ABCC6: variants seen among roughly 807,000 people sequenced by gnomAD.
ABCC6 encodes the protein ATP binding cassette subfamily C member 6, also known as ATP-binding cassette sub-family C member 6.
A neutral mutation model predicts 169.5 loss-of-function variants in ABCC6; 126 were observed. That is an observed-to-expected ratio of 0.74 (90% CI 0.64 to 0.86). The LOEUF is 0.86. ABCC6 is among the 40% of genes least tolerant of loss of function. ABCC6 has a pLI of 0.00. For synonymous variants in ABCC6, 752 were observed against 814.7 expected, an observed-to-expected ratio of 0.92 and a Z score of 1.31; for missense variants, 1,733 against 1,927.2, an observed-to-expected ratio of 0.90 and a Z score of 1.89.
Position 16,214,442 on chromosome 16 carries a change from T to G in ABCC6, c.482A>C (p.Gln161Pro), listed in dbSNP as rs1300981077. Reference protein sequence around the residue: ...AAQQASGAGFQSDPVRHLSTY... With the variant: ...AAQQASGAGFPSDPVRHLSTY... Reference sequence around the variant, plus strand: ...GGACAGGTGGCGGACAGGGTCGCTCTGGAAGCCCTGTGGGAGGGAAAGCAG... The same window carrying G: ...GGACAGGTGGCGGACAGGGTCGCTCGGGAAGCCCTGTGGGAGGGAAAGCAG... The change falls in exon 5 of 31, where the codon CAG becomes CCG. Residue 161 changes from glutamine to proline, a missense_variant. This residue lies in a region of ABCC6 where 49 missense variants were observed against 85.8 expected (regional missense o/e 0.57). Coordinates refer to ENST00000205557, the MANE Select transcript of ABCC6 (RefSeq NM_001171.6). The G allele has an allele frequency of 1.9e-6, 3 of 1,551,478 alleles. No homozygotes were observed. The highest frequency in any genetic ancestry group is 4.9e-5 in the East Asian group (2 of 40,970).
At chr16:16,177,701 G>A (rs2047328114) in intron 18 of ABCC6, 75 bp from the exon 19 acceptor site, 3 of 1,574,168 alleles carry the variant, frequency 1.9e-6, no homozygotes, top group African/African-American at 2.7e-5. Context: ...CCAACACTTT[G>A]GGAAGCCAAA....
At chr16:16,208,626 C>A (rs1230565948) in intron 7 of ABCC6, 102 bp downstream of exon 7, 78 of 1,590,930 alleles carry the variant, frequency 4.9e-5, no homozygotes, top group Non-Finnish European at 6.3e-5. Flanking sequence ...CCTGCCTCGG[C>A]CTCCCAAAAT....
chr16:16,187,284 A>C, intron 13 of ABCC6, 73 bp from the exon 14 acceptor site: 1 of 1,265,930 alleles, frequency 7.9e-7, no homozygotes, highest in Non-Finnish European at 1.1e-6. Context: ...CGGTGTCTCA[A>C]GATGTGTGGC....
chr16:16,171,419 A>G (rs2047061764), intron 21 of ABCC6, among the ~76,000 whole-genome samples: 1 of 152,138 alleles, frequency 6.6e-6, no homozygotes, highest in Admixed American at 6.5e-5. Context: ...TTGTTATTGG[A>G]CATAGCTTAC....
chr16:16,207,406 G>T lies in ABCC6; in HGVS notation c.794+1322C>A, dbSNP rs2048427310. Among the ~76,000 whole-genome samples the T allele has an allele frequency of 3.3e-5, 5 of 152,332 alleles. No individual in the cohort carries two copies. The South Asian group carries it at 1.0e-3, about 32-fold the overall frequency. Reference sequence around the variant, plus strand: ...GCTGGAGTTTGCTGAACTTGCATGGGAAGGGATAGGCCTTATGGAGAGACC... The same window carrying T: ...GCTGGAGTTTGCTGAACTTGCATGGTAAGGGATAGGCCTTATGGAGAGACC... On this transcript the variant is annotated intron_variant, in intron 7 of 30. Coordinates refer to ENST00000205557, the MANE Select transcript of ABCC6 (RefSeq NM_001171.6).
chr16:16,153,730 C>G (rs1401571091), intron 29 of ABCC6, among the ~76,000 whole-genome samples: 1 of 151,736 alleles, frequency 6.6e-6, no homozygotes, highest in Middle Eastern at 3.4e-3. Context: ...ATGGTGAAAC[C>G]CTGTCTCTAC....
intron 11 of ABCC6, among the ~76,000 whole-genome samples, chr16:16,191,530 G>A (rs544972711): frequency 8.5e-5 from 13 of 152,218 alleles, no homozygotes; most frequent in African/African-American, 2.9e-4. Flanking sequence ...GGCCAAGAGA[G>A]GAAATAAGTT....
chr16:16,213,125 C>A (rs2048702364), intron 5 of ABCC6, among the ~76,000 whole-genome samples: 1 of 150,566 alleles, frequency 6.6e-6, no homozygotes, highest in African/African-American at 2.5e-5. Flanking sequence ...CGCTCTGTCA[C>A]CCAGGCTGGA....
chr16:16,177,687 A>G, intron 18 of ABCC6, 61 bp from the exon 19 acceptor site: 1 of 1,597,392 alleles, frequency 6.3e-7, no homozygotes, highest in South Asian at 1.1e-5. Flanking sequence ...TCATGCCTGT[A>G]ATCCCAACAC....
At chr16:16,166,528 C>T (rs1007422385) in intron 22 of ABCC6, among the ~76,000 whole-genome samples, 18 of 151,306 alleles carry the variant, frequency 1.2e-4, no homozygotes, top group African/African-American at 3.9e-4. Context: ...GGAATGCCAG[C>T]GACTGCCGGC....
At chr16:16,163,630 G>C (rs1372780423) in intron 23 of ABCC6, among the ~76,000 whole-genome samples, 1 of 152,206 alleles carries the variant, frequency 6.6e-6, no homozygotes, top group Non-Finnish European at 1.5e-5. Flanking sequence ...AATGAAGGCA[G>C]TTGGCCAAGT....
chr16:16,175,901 G>A lies in ABCC6; in HGVS notation c.2666+10C>T, dbSNP rs1289193660. ...GTGCCCTTCTGAGTGTGGCACCATG[G>A]TGGACTCACCTCTCGCGTCTAAGCT... On this transcript the variant is annotated intron_variant, in intron 20 of 30. Transcript: ENST00000205557. 1.2e-6 allele frequency: 2 copies of A among 1,613,910 alleles called. No individual in the cohort carries two copies. Among genetic ancestry groups the A allele is most frequent in the Non-Finnish European group, 1.7e-6 (2 of 1,180,000 alleles).
In ABCC6 at chr16:16,154,682, GCCA is replaced by G; in HGVS notation, c.4151_4153del (p.Val1384del). 2 of 1,613,368 alleles carry G rather than the reference GCCA, an allele frequency of 1.2e-6. No homozygotes were observed. The highest frequency in any genetic ancestry group is 1.7e-6 in the Non-Finnish European group (2 of 1,179,988). Reference sequence around the variant, plus strand: ...GTACTGCAGCTGGCCGGGCAGGCTGGCCACCAAGGCTTTGAGCTGCACCGTCTC... The same window carrying G: ...GTACTGCAGCTGGCCGGGCAGGCTGGCCAAGGCTTTGAGCTGCACCGTCTC... On this transcript the variant is annotated inframe_deletion, in exon 29 of 31. Coordinates refer to ENST00000205557, the MANE Select transcript of ABCC6 (RefSeq NM_001171.6).
At chr16:16,200,796 C>G (rs1389049244) in intron 9 of ABCC6, among the ~76,000 whole-genome samples, 3 of 151,374 alleles carry the variant, frequency 2.0e-5, no homozygotes, top group African/African-American at 7.3e-5. Flanking sequence ...GCTCCATACC[C>G]CACAGGAGCC....
intron 25 of ABCC6, among the ~76,000 whole-genome samples, chr16:16,160,269 A>C (rs1393896185): frequency 6.6e-6 from 1 of 152,156 alleles, no homozygotes; most frequent in African/African-American, 2.4e-5. Flanking sequence ...CCTTAAGCTT[A>C]GCAGCCTTGA....
intron 17 of ABCC6, among the ~76,000 whole-genome samples, chr16:16,181,017 G>C (rs758007826): frequency 7.2e-5 from 11 of 152,122 alleles, no homozygotes; most frequent in South Asian, 2.1e-4. Context: ...TAGTAAAGCA[G>C]GGGGAGCCAG....
Position 16,204,061 on chromosome 16 carries a change from C to CT in ABCC6, c.795-449dup, listed in dbSNP as rs941151148. ...CCATGCACTTTTCTTTTTTCTTTTC[C>CT]TTTTTTTTTTTTTGAGACGAAGTCT... On this transcript the variant is annotated intron_variant, in intron 7 of 30. Transcript: ENST00000205557. Among the ~76,000 whole-genome samples, 526 of 145,114 alleles carry CT rather than the reference C, an allele frequency of 3.6e-3. 2 individuals carry two copies. Among genetic ancestry groups the CT allele is most frequent in the African/African-American group, 8.8e-3 (351 of 39,900 alleles).
chr16:16,150,248 G>C lies in ABCC6; in HGVS notation c.4404-7C>G. 1 of 1,613,920 alleles carries C rather than the reference G, an allele frequency of 6.2e-7. No homozygotes were observed. The highest frequency in any genetic ancestry group is 2.2e-5 in the East Asian group (1 of 44,884). Reference sequence around the variant, plus strand: ...CTTGTCCATGACCAGAACCCTGTGGGGGAGAGGGAGACAGAGAGGCTCTTT... The same window carrying C: ...CTTGTCCATGACCAGAACCCTGTGGCGGAGAGGGAGACAGAGAGGCTCTTT... On this transcript the variant is annotated splice_region_variant and splice_polypyrimidine_tract_variant and intron_variant, in intron 30 of 30. Coordinates refer to ENST00000205557, the MANE Select transcript of ABCC6 (RefSeq NM_001171.6).
At chr16:16,174,195 C>T (rs566276395) in intron 20 of ABCC6, among the ~76,000 whole-genome samples, 1 of 152,292 alleles carries the variant, frequency 6.6e-6, no homozygotes, top group East Asian at 1.9e-4. Flanking sequence ...TGAACTGTAA[C>T]CTAATTGGAC....
Sources: gnomAD v4.1 joint callset for allele counts (sites outside exome capture counted in the v4.1 genomes callset) on GRCh38, gnomAD v4.1.1 for gene constraint, gnomAD v4.1.1 regional missense constraint, MANE v1.5 for transcripts, NCBI Gene and HGNC (gene_info 2026-07-23, HGNC 2026-07-21) for gene names.